The following PCNX2 variants were observed in gnomAD, a reference collection of about 807,000 sequenced individuals.
The protein encoded by PCNX2 is pecanex-like protein 2.
In PCNX2, 168 loss-of-function variants were observed where a neutral mutation model predicts 223.8. The ratio of observed to expected loss-of-function variants is 0.75; its 90% CI spans 0.66 to 0.85. The LOEUF is 0.85. PCNX2 is among the 40% of genes least tolerant of loss of function. PCNX2 has a pLI of 0.00. For synonymous variants in PCNX2, 1,006 were observed against 1,052.6 expected (o/e 0.96, Z 0.86); for missense variants, 2,507 against 2,675.5 (o/e 0.94, Z 1.39).
chr1:232,992,440 T>C (rs1482135158), intron 32 of PCNX2, among the ~76,000 whole-genome samples: 1 of 152,198 alleles, frequency 6.6e-6, no homozygotes, highest in Non-Finnish European at 1.5e-5. Context: ...GGCAGAGACA[T>C]GCCAGCTGCA....
At chr1:233,289,336 C>T in intron 1 of PCNX2, 1 of 1,076,420 alleles carries the variant, frequency 9.3e-7, no homozygotes. Flanking sequence ...CTGAGCTGAG[C>T]CTTGAGGTCC....
chr1:232,992,435 A>G, intron 32 of PCNX2, among the ~76,000 whole-genome samples: 1 of 152,206 alleles, frequency 6.6e-6, no homozygotes, highest in East Asian at 1.9e-4. Flanking sequence ...TGCTGGGCAG[A>G]GACATGCCAG....
intron 25 of PCNX2, among the ~76,000 whole-genome samples, chr1:233,044,476 A>G (rs1027997996): frequency 1.3e-5 from 2 of 152,162 alleles, no homozygotes; most frequent in African/African-American, 4.8e-5. Context: ...GCCAATGATT[A>G]ATCTTTCCAC....
At chr1:233,278,570 G>A (rs1661028450) in intron 1 of PCNX2, among the ~76,000 whole-genome samples, 1 of 152,166 alleles carries the variant, frequency 6.6e-6, no homozygotes, top group Admixed American at 6.5e-5. Context: ...GATGGGAATG[G>A]GCATTTCTGT....
Position 233,258,312 on chromosome 1 carries a change from G to C in PCNX2, c.1550C>G (p.Ser517Trp), listed in dbSNP as rs374111803. The C allele has an allele frequency of 3.1e-6, 5 of 1,613,986 alleles. No homozygotes were observed. In the South Asian group the frequency reaches 5.5e-5, roughly 18 times the overall value. ...GKEGQTNLDP[S>W]SCKSSHEKRH... ...CTTTTCATGGCTGGACTTACAAGAC[G>C]ATGGGTCAAGGTTAGTCTGGCCTTC... The change falls in exon 5 of 34, where the codon TCG (serine) becomes TGG (tryptophan). Residue 517 changes from serine (S) to tryptophan (W), a missense_variant. Ser to Trp is a radical substitution (Grantham distance 177). This residue lies in a region of PCNX2 where 1,031 missense variants were observed against 1,021.7 expected (regional missense o/e 1.01). Coordinates refer to ENST00000258229, the MANE Select transcript of PCNX2 (RefSeq NM_014801.4).
intron 10 of PCNX2, among the ~76,000 whole-genome samples, chr1:233,219,712 C>T (rs191634328): frequency 7.2e-5 from 11 of 152,110 alleles, no homozygotes; most frequent in Admixed American, 5.9e-4. Context: ...CCCACATAGC[C>T]CCTCCCCACA....
At position 233,126,548 on chromosome 1, in the gene PCNX2, A is replaced by G. The variant is rs1365075894; in HGVS notation, c.3837+8465T>C. 6.6e-6 allele frequency among the ~76,000 whole-genome samples: 1 copy of G among 151,938 alleles called. No individual in the cohort carries two copies. Among genetic ancestry groups the G allele is most frequent in the East Asian group, 1.9e-4 (1 of 5,188 alleles). ...GTGTGTGTGTGTGTGTAAATATACC[A>G]GAGGACTGGGAGGATTTATTCCAAA... is the stretch of plus-strand genomic sequence containing the variant. On this transcript the variant is annotated intron_variant, in intron 21 of 33. Transcript: ENST00000258229. This position sits in a 1 kb window ranked among gnomAD's most constrained non-coding sequence, Gnocchi z 4.8.
intron 33 of PCNX2, chr1:232,985,862 G>T: frequency 1.6e-6 from 1 of 616,726 alleles, no homozygotes; most frequent in Non-Finnish European, 2.9e-6. Flanking sequence ...TTCAGTGCCT[G>T]CCTGGGCATT....
chr1:233,276,253 G>C (rs1660906683), intron 1 of PCNX2, among the ~76,000 whole-genome samples: 1 of 152,136 alleles, frequency 6.6e-6, no homozygotes, highest in East Asian at 1.9e-4. Context: ...CCACTTATAT[G>C]AGGTAACTAG....
At chr1:233,033,316 G>A (rs1671334181) in intron 25 of PCNX2, 1 of 533,342 alleles carries the variant, frequency 1.9e-6, no homozygotes, top group Non-Finnish European at 2.4e-6. Flanking sequence ...AGAAATTTAA[G>A]TGCAAATGAG....
chr1:233,074,365 C>T (rs541532547), intron 23 of PCNX2, among the ~76,000 whole-genome samples: 11 of 152,040 alleles, frequency 7.2e-5, no homozygotes, highest in Non-Finnish European at 7.4e-5. Flanking sequence ...GAGGCCGAGG[C>T]GGGCAGATCA....
At chr1:233,114,409 G>T (rs1404917756) in intron 21 of PCNX2, among the ~76,000 whole-genome samples, 4 of 152,200 alleles carry the variant, frequency 2.6e-5, no homozygotes, top group African/African-American at 7.2e-5. Flanking sequence ...AGAAGAGGAG[G>T]TCAGAGCAAG....
chr1:233,158,682 GATATAA>G (rs920733064), intron 19 of PCNX2, among the ~76,000 whole-genome samples: 77 of 152,258 alleles, frequency 5.1e-4, no homozygotes, highest in African/African-American at 1.8e-3. Flanking sequence ...TACAGGTACA[GATATAA>G]ATATAGATAT....
At chr1:233,037,654 A>G (rs1222914868) in intron 25 of PCNX2, among the ~76,000 whole-genome samples, 2 of 152,170 alleles carry the variant, frequency 1.3e-5, no homozygotes, top group Non-Finnish European at 2.9e-5. Flanking sequence ...GATACTGGGA[A>G]CCTAGAAGTG....
At chr1:233,254,083 G>C (rs1659597312) in intron 5 of PCNX2, among the ~76,000 whole-genome samples, 1 of 152,208 alleles carries the variant, frequency 6.6e-6, no homozygotes, top group South Asian at 2.1e-4. Context: ...GCAAAACTGT[G>C]TTAGTGTCTG....
chr1:233,014,080 G>A (rs1375001891), intron 28 of PCNX2, among the ~76,000 whole-genome samples: 3 of 152,292 alleles, frequency 2.0e-5, no homozygotes, highest in South Asian at 4.1e-4. Flanking sequence ...AACATCACCC[G>A]AGTGACACAG....
At chr1:233,230,762 T>C (rs1658014723) in intron 9 of PCNX2, among the ~76,000 whole-genome samples, 1 of 152,204 alleles carries the variant, frequency 6.6e-6, no homozygotes, top group Non-Finnish European at 1.5e-5. Flanking sequence ...TATCATAATA[T>C]CCAGTGTTCA....
chr1:233,193,091 T>A (rs907931255), intron 15 of PCNX2, among the ~76,000 whole-genome samples: 2 of 147,684 alleles, frequency 1.4e-5, no homozygotes, highest in African/African-American at 4.9e-5. Flanking sequence ...ACATAATTTA[T>A]ATTTTATAAA....
At chr1:233,033,021 G>A in intron 25 of PCNX2, 1 of 985,394 alleles carries the variant, frequency 1.0e-6, no homozygotes, top group Non-Finnish European at 1.2e-6. Context: ...AGACTCAGAA[G>A]GTTCAAAGCA....
Sources: gnomAD v4.1 joint callset for allele counts (sites outside exome capture counted in the v4.1 genomes callset) on GRCh38, gnomAD v4.1.1 for gene constraint, gnomAD v4.1.1 regional missense constraint, Gnocchi (gnomAD v3.1) non-coding constraint, MANE v1.5 for transcripts, NCBI Gene and HGNC (gene_info 2026-07-23, HGNC 2026-07-21) for gene names.